PRC1: variants seen among roughly 807,000 people sequenced by gnomAD.
PRC1 encodes the protein protein regulator of cytokinesis 1, also known as anaphase spindle elongation 1 homolog.
PRC1 carries 54 observed loss-of-function variants against 91.2 expected under a neutral mutation model. The observed-to-expected ratio is 0.59, with a 90% confidence interval of 0.48 to 0.74. The LOEUF (loss-of-function observed/expected upper bound fraction) is 0.74, where lower values mean the gene tolerates loss of function less well. PRC1 is among the 30% of genes least tolerant of loss of function. The pLI, the probability that PRC1 is intolerant of heterozygous loss-of-function variation, is 0.00. For synonymous variants in PRC1, 275 were observed against 263.6 expected, an observed-to-expected ratio of 1.04 and a Z score of -0.42; for missense variants, 727 against 746.2, an observed-to-expected ratio of 0.97 and a Z score of 0.30.
chr15:90,968,975 C>G (rs753433485), intron 14 of PRC1, 104 bp downstream of exon 14: 5 of 1,572,912 alleles, frequency 3.2e-6, no homozygotes, highest in Non-Finnish European at 4.3e-6. Flanking sequence ...TCCTTTGTAA[C>G]ACTGCTGAGA....
At chr15:90,980,107 TG>T in intron 7 of PRC1, 134 bp downstream of exon 7, 3 of 1,088,690 alleles carry the variant, frequency 2.8e-6, no homozygotes, top group Non-Finnish European at 3.7e-6. Context: ...CACTTTTGGC[TG>T]GGTGTGGTGG....
intron 7 of PRC1, 62 bp from the exon 8 acceptor site, chr15:90,979,356 G>T: frequency 6.6e-7 from 1 of 1,526,442 alleles, no homozygotes; most frequent in Non-Finnish European, 8.9e-7. Context: ...CCAATTTTAC[G>T]AATCCCCGAT....
intron 9 of PRC1, among the ~76,000 whole-genome samples, chr15:90,975,160 C>T (rs1329213405): frequency 6.6e-6 from 1 of 152,210 alleles, no homozygotes; most frequent in African/African-American, 2.4e-5. Context: ...GGCTAGAGTG[C>T]AGTGGCACGA....
At chr15:90,967,242 T>C in intron 14 of PRC1, 40 bp from the exon 15 acceptor site, 1 of 1,526,630 alleles carries the variant, frequency 6.6e-7, no homozygotes. Flanking sequence ...ATACTGCCTC[T>C]CTTACACATG....
chr15:90,984,135 G>A lies in PRC1; in HGVS notation c.150C>T (p.Leu50=). 6.2e-7 allele frequency: 1 copy of A among 1,614,064 alleles called. No individual in the cohort carries two copies. Among genetic ancestry groups the A allele is most frequent in the Non-Finnish European group, 8.5e-7 (1 of 1,179,992 alleles). Residue 50 remains leucine (L), a synonymous_variant, in exon 3 of 15, where the codon CTC becomes CTT. Coordinates refer to ENST00000394249, the MANE Select transcript of PRC1 (RefSeq NM_003981.4). This position sits in a 1 kb window ranked among gnomAD's most constrained non-coding sequence, Gnocchi z 5.1. ...TEVVKKHIKE[L]LDMMIAEEES... ...CCTCTTCAGCAATCATCATATCCAGGAGTTCCTACAAGAGGGAAAACAGTC... is the reference window on the plus strand; with the variant it reads ...CCTCTTCAGCAATCATCATATCCAGAAGTTCCTACAAGAGGGAAAACAGTC...
chr15:90,967,975 T>A lies in PRC1; in HGVS notation c.1792-773A>T, dbSNP rs1385913452. The A allele has an allele frequency of 3.0e-6, 3 of 985,152 alleles. No individual in the cohort carries two copies. In the African/African-American group the frequency reaches 5.2e-5, roughly 17 times the overall value. 61.0% of individuals were successfully genotyped at this position (985,152 alleles called of 1,614,324 possible). Reference sequence around the variant, plus strand: ...TGAGGCCTTGTAACCTGCTGGTGATTTGATCTCATGCTGGAGCACATGGTA... The same window carrying A: ...TGAGGCCTTGTAACCTGCTGGTGATATGATCTCATGCTGGAGCACATGGTA... On this transcript the variant is annotated intron_variant, in intron 14 of 14. Transcript: ENST00000394249.
intron 8 of PRC1, among the ~76,000 whole-genome samples, chr15:90,978,778 A>AAAAAAAT (rs2038950397): frequency 6.7e-5 from 10 of 149,384 alleles, no homozygotes; most frequent in South Asian, 2.1e-4. Context: ...AAAAAAAAAA[A>AAAAAAAT]GTGCCATCAG....
chr15:90,967,412 G>A (rs1325385882), intron 14 of PRC1: 17 of 574,424 alleles, frequency 3.0e-5, no homozygotes, highest in Non-Finnish European at 4.4e-5. Context: ...ACGCATGCCC[G>A]TGACCCCTTT....
At chr15:90,970,992 A>T (rs1596280652) in intron 11 of PRC1, among the ~76,000 whole-genome samples, 1 of 152,230 alleles carries the variant, frequency 6.6e-6, no homozygotes, top group South Asian at 2.1e-4. Context: ...TGATACATAC[A>T]GCAACAGAGA....
Position 90,981,638 on chromosome 15 carries a change from T to C in PRC1, c.533A>G (p.Lys178Arg). The change falls in exon 5 of 15, where the codon AAG becomes AGG. Residue 178 changes from lysine (K) to arginine (R), a missense_variant. Transcript: ENST00000394249. The part of the protein sequence containing the change: ...ASRREEFVSI[K>R]RQIILCMEAL... ...TTCCATACACAGTATGATCTGTCTC[T>C]TTATACTGACAAACTCCTCACGCCT... 6.2e-7 allele frequency: 1 copy of C among 1,614,142 alleles called. No homozygotes were observed. The highest frequency in any genetic ancestry group is 8.5e-7 in the Non-Finnish European group (1 of 1,179,986).
chr15:90,991,935 C>T (rs1297873853), intron 1 of PRC1, among the ~76,000 whole-genome samples: 1 of 152,134 alleles, frequency 6.6e-6, no homozygotes, highest in Non-Finnish European at 1.5e-5. Flanking sequence ...TTTCCAAAGA[C>T]CTATGGAGCC....
intron 14 of PRC1, chr15:90,967,868 A>G (rs2037662230): frequency 2.0e-6 from 2 of 985,380 alleles, no homozygotes; most frequent in Admixed American, 6.1e-5. Flanking sequence ...AGAGTTGTCA[A>G]GGTAAGTAGG....
At chr15:90,993,273 G>C (rs921302986) in intron 1 of PRC1, among the ~76,000 whole-genome samples, 1 of 147,972 alleles carries the variant, frequency 6.8e-6, no homozygotes, top group East Asian at 2.1e-4. Context: ...GCAGTGTCGA[G>C]ATGTCGGCTC....
In PRC1 at chr15:90,984,048, C is replaced by T. The variant is rs1263506391; in HGVS notation, c.237G>A (p.Leu79=). The change falls in exon 3 of 15, where the codon CTG becomes CTA. Residue 79 remains leucine, a synonymous_variant. Transcript: ENST00000394249. This position sits in a 1 kb window ranked among gnomAD's most constrained non-coding sequence, Gnocchi z 5.1. ...ISVCQKELNT[L]CSELHVEPFQ... ...ATGGCTCAACATGTAACTCGCTGCA[C>T]AGAGTGTTCAGCTCTTTCTGACAGA... The T allele has an allele frequency of 1.2e-6, 2 of 1,614,154 alleles. No individual in the cohort carries two copies. Among genetic ancestry groups the T allele is most frequent in the African/African-American group, 1.3e-5 (1 of 75,042 alleles).
Position 90,984,181 on chromosome 15 carries a change from G to A in PRC1, c.145-41C>T. ...CAGTCCATAAGTTTGGGGCAATGGAGGAAAAAAACTCCCAACACCAATACC... is the reference window on the plus strand; with the variant it reads ...CAGTCCATAAGTTTGGGGCAATGGAAGAAAAAAACTCCCAACACCAATACC... On this transcript the variant is annotated intron_variant, in intron 2 of 14. Transcript: ENST00000394249. This position sits in a 1 kb window ranked among gnomAD's most constrained non-coding sequence, Gnocchi z 5.1. 1.3e-6 allele frequency: 2 copies of A among 1,599,926 alleles called. No individual in the cohort carries two copies. The highest frequency in any genetic ancestry group is 1.8e-5 in the Admixed American group (1 of 56,962).
At chr15:90,993,853 T>G (rs2040125681) in intron 1 of PRC1, among the ~76,000 whole-genome samples, 1 of 152,032 alleles carries the variant, frequency 6.6e-6, no homozygotes, top group Non-Finnish European at 1.5e-5. Flanking sequence ...GAGGCCGAGG[T>G]GGCAGGATTA....
chr15:90,984,587 G>A lies in PRC1; in HGVS notation c.144+106C>T. ...ACCAAACCAAACAGGAAGAGCCTGT[G>A]CTATCCTAATGCCGATGATCACATG... On this transcript the variant is annotated intron_variant, in intron 2 of 14. Coordinates refer to ENST00000394249, the MANE Select transcript of PRC1 (RefSeq NM_003981.4). This position sits in a 1 kb window ranked among gnomAD's most constrained non-coding sequence, Gnocchi z 5.1. 10 of 1,477,758 alleles carry A rather than the reference G, an allele frequency of 6.8e-6. No homozygotes were observed. The highest frequency in any genetic ancestry group is 8.3e-6 in the Non-Finnish European group (9 of 1,089,654). 91.5% of individuals were successfully genotyped at this position (1,477,758 alleles called of 1,614,324 possible).
intron 1 of PRC1, among the ~76,000 whole-genome samples, chr15:90,985,210 A>AT (rs2039491395): frequency 6.6e-6 from 1 of 151,498 alleles, no homozygotes; most frequent in African/African-American, 2.4e-5. Flanking sequence ...ATTTATTACT[A>AT]TTTTTTTGGT....
At chr15:90,993,615 G>C (rs898660745) in intron 1 of PRC1, among the ~76,000 whole-genome samples, 4 of 152,222 alleles carry the variant, frequency 2.6e-5, no homozygotes, top group Non-Finnish European at 5.9e-5. Flanking sequence ...AGGTTGGTAA[G>C]TGGCAGTGTC....
Sources: gnomAD v4.1 joint callset for allele counts (sites outside exome capture counted in the v4.1 genomes callset) on GRCh38, gnomAD v4.1.1 for gene constraint, Gnocchi (gnomAD v3.1) non-coding constraint, MANE v1.5 for transcripts, NCBI Gene and HGNC (gene_info 2026-07-23, HGNC 2026-07-21) for gene names.